FNIP1: variants seen among roughly 807,000 people sequenced by gnomAD.
FNIP1 encodes folliculin-interacting protein 1.
Under a neutral mutation model 124.5 loss-of-function variants are expected in FNIP1, and 40 were observed. That is an observed-to-expected ratio of 0.32 (90% CI 0.25 to 0.42). The LOEUF (loss-of-function observed/expected upper bound fraction) is 0.42, where lower values mean the gene tolerates loss of function less well. FNIP1 is among the 10% of genes least tolerant of loss of function. FNIP1 has a pLI of 1.00. For missense variants in FNIP1, 1,176 were observed against 1,403.7 expected, an observed-to-expected ratio of 0.84 and a Z score of 2.59; for synonymous variants, 472 against 470.6, an observed-to-expected ratio of 1.00 and a Z score of -0.04.
intron 3 of FNIP1, among the ~76,000 whole-genome samples, chr5:131,720,031 A>C (rs1036709890): frequency 2.0e-5 from 3 of 152,190 alleles, no homozygotes; most frequent in Non-Finnish European, 2.9e-5. Flanking sequence ...CTTCTTCAAG[A>C]AGCAGCAGCC....
intron 1 of FNIP1, among the ~76,000 whole-genome samples, chr5:131,789,923 C>T (rs1275558070): frequency 6.6e-6 from 1 of 152,228 alleles, no homozygotes; most frequent in South Asian, 2.1e-4. Context: ...ACTAACCATA[C>T]ACACAAACTC....
chr5:131,732,993 CT>C (rs1471610304), intron 2 of FNIP1, among the ~76,000 whole-genome samples: 2 of 152,136 alleles, frequency 1.3e-5, no homozygotes, highest in Non-Finnish European at 2.9e-5. Context: ...TTTGTGTCCT[CT>C]TTTATTTCGT....
intron 11 of FNIP1, among the ~76,000 whole-genome samples, chr5:131,686,359 T>A (rs1768272603): frequency 6.6e-6 from 1 of 152,150 alleles, no homozygotes; most frequent in Non-Finnish European, 1.5e-5. Flanking sequence ...GTCCTTTTTT[T>A]AAAGAGATGT....
intron 1 of FNIP1, among the ~76,000 whole-genome samples, chr5:131,780,663 A>C (rs951936140): frequency 6.6e-6 from 1 of 152,020 alleles, no homozygotes; most frequent in African/African-American, 2.4e-5. Context: ...TGATGTTACT[A>C]TTGTAATTGT....
At chr5:131,784,269 A>G (rs1324738539) in intron 1 of FNIP1, among the ~76,000 whole-genome samples, 1 of 152,194 alleles carries the variant, frequency 6.6e-6, no homozygotes, top group Non-Finnish European at 1.5e-5. Context: ...AATACTAATG[A>G]TTTCAAAGAA....
At chr5:131,786,850 T>C (rs1772235463) in intron 1 of FNIP1, among the ~76,000 whole-genome samples, 2 of 152,208 alleles carry the variant, frequency 1.3e-5, no homozygotes, top group Admixed American at 1.3e-4. Flanking sequence ...ACTATGAGCC[T>C]TATAAATTTC....
intron 11 of FNIP1, among the ~76,000 whole-genome samples, chr5:131,684,409 A>G (rs10520133): frequency 0.036 from 5,459 of 152,354 alleles, 123 homozygotes; most frequent in East Asian, 0.11. Context: ...TGTATATGTG[A>G]AAGTACTTAT....
chr5:131,668,358 A>C (rs1767660119), intron 15 of FNIP1, among the ~76,000 whole-genome samples: 1 of 152,240 alleles, frequency 6.6e-6, no homozygotes, highest in African/African-American at 2.4e-5. Context: ...AAACATTTTG[A>C]AATGAATGAA....
chr5:131,690,169 G>A (rs1191085478), intron 11 of FNIP1, among the ~76,000 whole-genome samples: 3 of 151,954 alleles, frequency 2.0e-5, no homozygotes, highest in Non-Finnish European at 4.4e-5. Context: ...CTTGCAGTGA[G>A]CCAAGATCAC....
intron 15 of FNIP1, among the ~76,000 whole-genome samples, chr5:131,665,335 G>C (rs1163682001): frequency 6.6e-6 from 1 of 151,840 alleles, no homozygotes. Context: ...TTTGTGTTTG[G>C]CTTTCTTCAC....
rs1769471994 is a variant in FNIP1 at position 131,716,567 on chromosome 5, A to G, written c.620T>C (p.Ile207Thr). 3 of 1,583,078 alleles carry G rather than the reference A, an allele frequency of 1.9e-6. No homozygotes were observed. Among genetic ancestry groups the G allele is most frequent in the Non-Finnish European group, 1.7e-6 (2 of 1,161,620 alleles). ...ATAAAATCAAAGGAACCATTTACCT[A>G]TATTTCCAAGCAGTCCATTAATAAC... ...NTVINGLLGNIGLSQFCSPRR... is the reference protein window; with the variant it reads ...NTVINGLLGNTGLSQFCSPRR... The change falls in exon 6 of 18, where the codon ATA becomes ACA. Residue 207 changes from isoleucine (I) to threonine (T), a missense_variant and splice_region_variant. By Grantham distance (89) the Ile-to-Thr change is moderately conservative (BLOSUM62 -1). Around this residue, in one of 2 missense-constraint regions of FNIP1, gnomAD observed 1,109 missense variants for 1,288.5 expected, o/e 0.86. Transcript: ENST00000510461.
At chr5:131,732,914 T>C (rs1181282226) in intron 2 of FNIP1, among the ~76,000 whole-genome samples, 1 of 152,216 alleles carries the variant, frequency 6.6e-6, no homozygotes, top group Non-Finnish European at 1.5e-5. Context: ...ATAAATTACC[T>C]TGGGCAGTAT....
chr5:131,664,966 GTATT>G (rs1301640140), intron 15 of FNIP1, among the ~76,000 whole-genome samples: 3 of 151,096 alleles, frequency 2.0e-5, no homozygotes, highest in African/African-American at 7.3e-5. Flanking sequence ...ATATGCTTGT[GTATT>G]TATCTGTGTA....
At chr5:131,689,188 C>T (rs1768392350) in intron 11 of FNIP1, among the ~76,000 whole-genome samples, 1 of 146,390 alleles carries the variant, frequency 6.8e-6, no homozygotes, top group African/African-American at 2.5e-5. Flanking sequence ...ATGGTTAAAA[C>T]ATTGAAAGAA....
In FNIP1 at chr5:131,733,003, G is replaced by C. The variant is rs201416298; in HGVS notation, c.220-1965C>G. On this transcript the variant is annotated intron_variant, in intron 2 of 17. Transcript: ENST00000510461. ...ATTTGTTTGTGTCCTCTTTTATTTCGTTGAGCAGTGGTTTGTAGTTCTCCT... is the reference window on the plus strand; with the variant it reads ...ATTTGTTTGTGTCCTCTTTTATTTCCTTGAGCAGTGGTTTGTAGTTCTCCT... Among the ~76,000 whole-genome samples the C allele has an allele frequency of 3.2e-4, 48 of 151,900 alleles. No homozygotes were observed. In the East Asian group the frequency reaches 6.2e-3, roughly 20 times the overall value.
intron 3 of FNIP1, among the ~76,000 whole-genome samples, chr5:131,724,674 T>C (rs560886591): frequency 1.4e-4 from 21 of 152,200 alleles, no homozygotes; most frequent in Non-Finnish European, 2.5e-4. Flanking sequence ...ACTCTGATGA[T>C]AGTTTCTTTT....
chr5:131,717,720 G>A lies in FNIP1; in HGVS notation c.531-1064C>T, dbSNP rs183569096. ...AAAATATCCTTTCTAGAGATTTTAGGAATTATCAGAACTTAGAAAAGGTGA... is the reference window on the plus strand; with the variant it reads ...AAAATATCCTTTCTAGAGATTTTAGAAATTATCAGAACTTAGAAAAGGTGA... On this transcript the variant is annotated intron_variant, in intron 5 of 17. Coordinates refer to ENST00000510461, the MANE Select transcript of FNIP1 (RefSeq NM_133372.3). Among the ~76,000 whole-genome samples the A allele has an allele frequency of 4.8e-3, 726 of 152,144 alleles. 5 individuals carry two copies. Among genetic ancestry groups the A allele is most frequent in the African/African-American group, 0.017 (687 of 41,508 alleles).
At chr5:131,742,462 C>G (rs1312185163) in intron 2 of FNIP1, among the ~76,000 whole-genome samples, 1 of 152,046 alleles carries the variant, frequency 6.6e-6, no homozygotes, top group African/African-American at 2.4e-5. Flanking sequence ...GACCCTGTCT[C>G]AAGAAAACAA....
chr5:131,758,324 C>T (rs143917600), intron 1 of FNIP1, among the ~76,000 whole-genome samples: 128 of 152,280 alleles, frequency 8.4e-4, no homozygotes, highest in African/African-American at 3.0e-3. Context: ...TGTAGCCCTA[C>T]TCTGTCTTCA....
Sources: allele counts gnomAD v4.1 joint callset (sites outside exome capture counted in the v4.1 genomes callset), GRCh38; gene constraint gnomAD v4.1.1; regional missense constraint gnomAD v4.1.1; transcripts MANE v1.5; gene names NCBI Gene and HGNC (gene_info 2026-07-23, HGNC 2026-07-21).